The following MACF1 variants were observed in gnomAD, a reference collection of about 807,000 sequenced individuals.
MACF1 encodes microtubule actin crosslinking factor 1.
Under a neutral mutation model 854.8 loss-of-function variants are expected in MACF1, and 193 were observed. That is an observed-to-expected ratio of 0.23 (90% CI 0.20 to 0.25). The LOEUF is 0.25. MACF1 is among the 10% of genes least tolerant of loss of function. MACF1 has a pLI of 1.00. For missense variants in MACF1, 7,722 were observed against 8,929.1 expected, an observed-to-expected ratio of 0.86 and a Z score of 5.45; for synonymous variants, 3,185 against 3,226.7, an observed-to-expected ratio of 0.99 and a Z score of 0.44.
In MACF1 at chr1:39,455,103, T is replaced by G; in HGVS notation, c.21075+6T>G. ...CCCTTATCGCTGAGCATCAGGTATC[T>G]TAACCTCACTGTGTGATCACTGGTG... On this transcript the variant is annotated splice_donor_region_variant and intron_variant, in intron 89 of 100. Transcript: ENST00000564288. 6.2e-7 allele frequency: 1 copy of G among 1,612,878 alleles called. No individual in the cohort carries two copies. The highest frequency in any genetic ancestry group is 8.5e-7 in the Non-Finnish European group (1 of 1,179,198).
chr1:39,085,731 TG>T (rs1172518941), intron 2 of MACF1, among the ~76,000 whole-genome samples: 1 of 152,196 alleles, frequency 6.6e-6, no homozygotes, highest in African/African-American at 2.4e-5. Context: ...AAACCACCTT[TG>T]GCCCCTCATT....
Position 39,335,701 on chromosome 1 carries a change from C to G in MACF1, c.9113C>G (p.Thr3038Ser). Reference sequence around the variant, plus strand: ...GATACAGAAATGGGATTTTCTATTACTTTTAAAATTGAAGAGTCCTCTTCC... The same window carrying G: ...GATACAGAAATGGGATTTTCTATTAGTTTTAAAATTGAAGAGTCCTCTTCC... Reference protein sequence around the residue: ...EADTEMGFSITFKIEESSSQV... With the variant: ...EADTEMGFSISFKIEESSSQV... Residue 3038 changes from threonine (T) to serine (S), a missense_variant, in exon 37 of 101, where the codon ACT (threonine) becomes AGT (serine). Coordinates refer to ENST00000564288, the MANE Select transcript of MACF1 (RefSeq NM_001394062.1). The G allele has an allele frequency of 1.2e-6, 2 of 1,613,334 alleles. No homozygotes were observed. Among genetic ancestry groups the G allele is most frequent in the South Asian group, 2.2e-5 (2 of 90,836 alleles).
At chr1:39,379,087 GA>G (rs1433735007) in intron 53 of MACF1, 115 bp from the exon 54 acceptor site, 2 of 1,075,024 alleles carry the variant, frequency 1.9e-6, no homozygotes, top group African/African-American at 1.6e-5. Context: ...TTAGCAGGAA[GA>G]TAATCTCTAA....
chr1:39,235,354 G>A (rs1644848085), intron 2 of MACF1, among the ~76,000 whole-genome samples: 2 of 152,354 alleles, frequency 1.3e-5, no homozygotes, highest in Middle Eastern at 3.4e-3. Context: ...AACCAGTCAG[G>A]CGTGGTGGCG....
intron 58 of MACF1, among the ~76,000 whole-genome samples, chr1:39,397,113 T>C (rs559290437): frequency 6.6e-6 from 1 of 152,336 alleles, no homozygotes; most frequent in East Asian, 1.9e-4. Context: ...CCATCCTTAC[T>C]GGGCAGTTGC....
chr1:39,334,640 A>G lies in MACF1; in HGVS notation c.8052A>G (p.Leu2684=), dbSNP rs1646781113. 4 of 1,613,994 alleles carry G rather than the reference A, an allele frequency of 2.5e-6. No homozygotes were observed. Among genetic ancestry groups the G allele is most frequent in the Non-Finnish European group, 3.4e-6 (4 of 1,180,026 alleles). ...KVDFASTLKV[L]EAQANTGGII... ...ACTTTGCATCTACGCTGAAGGTTCT[A>G]GAAGCCCAGGCAAATACTGGTGGAA... Residue 2684 remains leucine, a synonymous_variant, in exon 37 of 101, where the codon CTA becomes CTG. Transcript: ENST00000564288.
intron 6 of MACF1, 139 bp from the exon 7 acceptor site, chr1:39,282,069 A>C (rs1214394727): frequency 3.2e-6 from 2 of 633,146 alleles, no homozygotes; most frequent in Non-Finnish European, 2.6e-6. Context: ...AAGAGGGGGA[A>C]TATATGTTGG....
chr1:39,304,253 A>G (rs866984693), intron 23 of MACF1: 19 of 472,930 alleles, frequency 4.0e-5, no homozygotes, highest in South Asian at 3.2e-5. Flanking sequence ...TCATTGTTCA[A>G]TTCCCACCTA....
chr1:39,459,754 G>T, intron 91 of MACF1: 3 of 1,136,864 alleles, frequency 2.6e-6, no homozygotes, highest in Non-Finnish European at 3.6e-6. Flanking sequence ...ATAGTACTAT[G>T]CTTCCTAGTT....
chr1:39,391,729 C>A (rs1642043392), intron 58 of MACF1, among the ~76,000 whole-genome samples: 1 of 152,154 alleles, frequency 6.6e-6, no homozygotes. Flanking sequence ...TGGAAGATTT[C>A]AAAAAATTAC....
intron 49 of MACF1, among the ~76,000 whole-genome samples, chr1:39,366,984 G>A (rs975080057): frequency 1.7e-5 from 2 of 118,496 alleles, no homozygotes; most frequent in African/African-American, 6.9e-5. Context: ...GTCTCACTCT[G>A]TTGCCCAGGC....
chr1:39,424,343 G>A (rs1286709803), intron 61 of MACF1, 149 bp downstream of exon 61: 3 of 610,806 alleles, frequency 4.9e-6, no homozygotes, highest in Non-Finnish European at 8.2e-6. Context: ...TTTTAGAGAT[G>A]ATCCTCATAA....
chr1:39,305,127 G>A (rs1646142242), intron 23 of MACF1, among the ~76,000 whole-genome samples: 1 of 151,408 alleles, frequency 6.6e-6, no homozygotes, highest in Admixed American at 6.6e-5. Flanking sequence ...CTGGCGTGGT[G>A]GTGCATGACT....
rs1378743335 is a variant in MACF1 at position 39,385,512 on chromosome 1, C to T, written c.13927C>T (p.Pro4643Ser). 3 of 1,614,000 alleles carry T rather than the reference C, an allele frequency of 1.9e-6. No individual in the cohort carries two copies. Among genetic ancestry groups the T allele is most frequent in the East Asian group, 2.2e-5 (1 of 44,892 alleles). Residue 4643 changes from proline (P) to serine (S), a missense_variant, in exon 57 of 101, where the codon CCT becomes TCT. Pro to Ser is a moderately conservative substitution (Grantham distance 74). Coordinates refer to ENST00000564288, the MANE Select transcript of MACF1 (RefSeq NM_001394062.1). Reference protein sequence around the residue: ...NEAAQGILTGPGDVSLSTSQV... With the variant: ...NEAAQGILTGSGDVSLSTSQV... ...GGCAGCTCAGGGCATCCTAACAGGC[C>T]CTGGAGATGTCTCTCTGTCCACCAG...
intron 58 of MACF1, chr1:39,410,849 A>T: frequency 6.2e-7 from 1 of 1,614,054 alleles, no homozygotes; most frequent in Non-Finnish European, 8.5e-7. Flanking sequence ...GTAACTCTGG[A>T]ACATGTGTCC....
intron 93 of MACF1, among the ~76,000 whole-genome samples, 194 bp downstream of exon 93, chr1:39,462,231 C>G (rs1644568185): frequency 6.6e-6 from 1 of 152,132 alleles, no homozygotes; most frequent in South Asian, 2.1e-4. Context: ...TGAGCTCTAG[C>G]TCAGGCTAGA....
At chr1:39,385,391 GT>G (rs749165241) in intron 56 of MACF1, 42 bp from the exon 57 acceptor site, 4 of 1,597,012 alleles carry the variant, frequency 2.5e-6, no homozygotes, top group Non-Finnish European at 3.4e-6. Context: ...AGATAGATCT[GT>G]TTTTTTCCTG....
intron 31 of MACF1, 106 bp downstream of exon 31, chr1:39,319,853 G>C: frequency 1.3e-6 from 1 of 767,758 alleles, no homozygotes; most frequent in Non-Finnish European, 2.1e-6. Context: ...GAGTTCTTAT[G>C]CTACAAGCTG....
chr1:39,348,184 G>A (rs955829872), intron 41 of MACF1, among the ~76,000 whole-genome samples: 1 of 152,152 alleles, frequency 6.6e-6, no homozygotes, highest in Admixed American at 6.5e-5. Flanking sequence ...TTGAAATTGA[G>A]ATATATTAAT....
Sources: allele counts gnomAD v4.1 joint callset (sites outside exome capture counted in the v4.1 genomes callset), GRCh38; gene constraint gnomAD v4.1.1; transcripts MANE v1.5; gene names NCBI Gene and HGNC (gene_info 2026-07-23, HGNC 2026-07-21).